Variants in GRIK3 observed in about 807,000 individuals in gnomAD.
GRIK3 encodes the protein glutamate receptor ionotropic, kainate 3.
Under a neutral mutation model 102.5 loss-of-function variants are expected in GRIK3, and 29 were observed. That is an observed-to-expected ratio of 0.28 (90% confidence interval 0.21 to 0.39). The LOEUF (loss-of-function observed/expected upper bound fraction) is 0.39. GRIK3 is among the 10% of genes least tolerant of loss of function. GRIK3 has a pLI of 1.00. For missense variants in GRIK3, 908 were observed against 1,252.4 expected (o/e 0.73, Z 4.15); for synonymous variants, 511 against 504.9 (o/e 1.01, Z -0.16).
At chr1:36,893,198 A>T (rs1641136059) in intron 1 of GRIK3, among the ~76,000 whole-genome samples, 1 of 152,220 alleles carries the variant, frequency 6.6e-6, no homozygotes, top group African/African-American at 2.4e-5. Flanking sequence ...CTCCACAAAA[A>T]TAACATAAAA....
chr1:37,003,023 T>G (rs1401449472), intron 1 of GRIK3, among the ~76,000 whole-genome samples: 9 of 4,186 alleles, frequency 2.2e-3, no homozygotes, highest in Non-Finnish European at 0.012. Context: ...AAGCTGTTGT[T>G]TTTTTTTTTT....
chr1:36,819,702 C>T lies in GRIK3; in HGVS notation c.1873+34G>A, dbSNP rs769232691. The T allele has an allele frequency of 8.9e-7, 1 of 1,120,972 alleles. No individual in the cohort carries two copies. The highest frequency in any genetic ancestry group is 2.0e-4 in the Middle Eastern group (1 of 5,116). The allele number at this position is 1,120,972 out of a possible 1,614,324, so 69.4% of individuals were successfully genotyped here. On this transcript the variant is annotated intron_variant, in intron 12 of 15. Coordinates refer to ENST00000373091, the MANE Select transcript of GRIK3 (RefSeq NM_000831.4). This position sits in a 1 kb window ranked among gnomAD's most constrained non-coding sequence, Gnocchi z 4.1. ...TGAAGACCGCTTGGGGAAAGCAGAC[C>T]CTGGAAGGGGAGGCCCTGGGAGAGG...
chr1:36,990,366 T>A (rs1203824695), intron 1 of GRIK3, among the ~76,000 whole-genome samples: 2 of 152,158 alleles, frequency 1.3e-5, no homozygotes, highest in African/African-American at 4.8e-5. Flanking sequence ...GGGTCTCCCA[T>A]CACAAGATCC....
intron 1 of GRIK3, among the ~76,000 whole-genome samples, chr1:36,953,793 A>T (rs1381179717): frequency 1.3e-5 from 2 of 152,002 alleles, no homozygotes. Flanking sequence ...CTCAGAGGGG[A>T]TGCTCACACA....
chr1:36,965,273 G>T (rs1386711800), intron 1 of GRIK3, among the ~76,000 whole-genome samples: 3 of 152,190 alleles, frequency 2.0e-5, no homozygotes, highest in Admixed American at 1.3e-4. Context: ...TTACCAGGCT[G>T]CCTATCAGAA....
At chr1:36,960,507 A>G (rs927265580) in intron 1 of GRIK3, among the ~76,000 whole-genome samples, 3 of 152,180 alleles carry the variant, frequency 2.0e-5, no homozygotes, top group Non-Finnish European at 4.4e-5. Flanking sequence ...AAAGCAGGGG[A>G]CACTGGGAAC....
chr1:36,823,773 A>G (rs555487312), intron 11 of GRIK3, among the ~76,000 whole-genome samples: 41 of 152,222 alleles, frequency 2.7e-4, no homozygotes, highest in African/African-American at 9.9e-4. Context: ...TTGGATTTGA[A>G]CTTTATATCT....
chr1:37,028,471 C>T lies in GRIK3; in HGVS notation c.115+5523G>A, dbSNP rs75146477. 4.7e-4 allele frequency among the ~76,000 whole-genome samples: 72 copies of T among 152,254 alleles called. No homozygotes were observed. The East Asian group carries it at 0.012, about 26-fold the overall frequency. On this transcript the variant is annotated intron_variant, in intron 1 of 15. Coordinates refer to ENST00000373091, the MANE Select transcript of GRIK3 (RefSeq NM_000831.4). Reference sequence around the variant, plus strand: ...TAGGAAGGCTGGGAAAGACCATCCACACCTGGGCCCTGGAGGAGGCAAATA... The same window carrying T: ...TAGGAAGGCTGGGAAAGACCATCCATACCTGGGCCCTGGAGGAGGCAAATA...
intron 1 of GRIK3, among the ~76,000 whole-genome samples, chr1:36,952,185 G>C (rs891269431): frequency 6.6e-6 from 1 of 152,160 alleles, no homozygotes; most frequent in South Asian, 2.1e-4. Context: ...ACTCAGCCAC[G>C]AGAGCCTACT....
intron 1 of GRIK3, among the ~76,000 whole-genome samples, chr1:37,025,524 C>T (rs575632084): frequency 6.6e-6 from 1 of 152,350 alleles, no homozygotes; most frequent in African/African-American, 2.4e-5. Flanking sequence ...TCACCATAGA[C>T]AGGAAATGTG....
chr1:36,817,581 G>A (rs555730469), intron 12 of GRIK3, among the ~76,000 whole-genome samples: 5 of 152,140 alleles, frequency 3.3e-5, no homozygotes, highest in Non-Finnish European at 5.9e-5. Flanking sequence ...TTTAAGAATC[G>A]CTCTTCTAGA....
intron 1 of GRIK3, among the ~76,000 whole-genome samples, chr1:36,939,823 C>A (rs871398): frequency 0.011 from 1,661 of 152,276 alleles, 33 homozygotes; most frequent in African/African-American, 0.038. Context: ...CAGAGGGGGA[C>A]CCTTGTTCAG....
chr1:36,871,490 A>C (rs1640843202), intron 4 of GRIK3, among the ~76,000 whole-genome samples: 1 of 152,246 alleles, frequency 6.6e-6, no homozygotes, highest in Non-Finnish European at 1.5e-5. Context: ...CCTTTTACAC[A>C]AAGCGCCAGC....
At chr1:36,974,051 T>C (rs1642171056) in intron 1 of GRIK3, among the ~76,000 whole-genome samples, 1 of 152,168 alleles carries the variant, frequency 6.6e-6, no homozygotes, top group Admixed American at 6.5e-5. Context: ...CAGGCCTTCA[T>C]GGGATTGAGG....
chr1:36,974,559 G>A (rs1328125792), intron 1 of GRIK3, among the ~76,000 whole-genome samples: 2 of 152,116 alleles, frequency 1.3e-5, no homozygotes, highest in African/African-American at 4.8e-5. Context: ...AGCATTTTGG[G>A]AGGCTGAGGC....
chr1:36,910,682 C>T (rs3767064), intron 1 of GRIK3, among the ~76,000 whole-genome samples: 1,676 of 152,298 alleles, frequency 0.011, 55 homozygotes, highest in East Asian at 0.1. Context: ...TTCTAATGTC[C>T]TGGGAGAGGA....
chr1:36,815,909 G>A (rs959746351), intron 13 of GRIK3, among the ~76,000 whole-genome samples: 15 of 152,096 alleles, frequency 9.9e-5, no homozygotes, highest in African/African-American at 2.7e-4. Flanking sequence ...ACAGGTGCAC[G>A]TCACCTGTAA....
intron 10 of GRIK3, among the ~76,000 whole-genome samples, chr1:36,830,448 G>A (rs746701249): frequency 4.6e-5 from 7 of 152,038 alleles, no homozygotes; most frequent in Non-Finnish European, 8.8e-5. Flanking sequence ...AGATGAAATC[G>A]AGTTAAAATG....
chr1:36,974,657 G>A (rs916467474), intron 1 of GRIK3, among the ~76,000 whole-genome samples: 6 of 152,018 alleles, frequency 3.9e-5, no homozygotes, highest in South Asian at 2.1e-4. Flanking sequence ...AAAATTAGCC[G>A]GGCGTGGTGG....
Sources: gnomAD v4.1 joint callset for allele counts (sites outside exome capture counted in the v4.1 genomes callset) on GRCh38, gnomAD v4.1.1 for gene constraint, Gnocchi (gnomAD v3.1) non-coding constraint, MANE v1.5 for transcripts, NCBI Gene and HGNC (gene_info 2026-07-23, HGNC 2026-07-21) for gene names.